The following RAP1GDS1 variants were observed in gnomAD, a reference collection of about 807,000 sequenced individuals.
RAP1GDS1 encodes the protein RAP1, GTP-GDP dissociation stimulator 1.
Under a neutral mutation model 71.1 loss-of-function variants are expected in RAP1GDS1, and 35 were observed. The observed-to-expected ratio is 0.49, with a 90% CI of 0.38 to 0.65. The LOEUF is 0.65. Ranked by LOEUF, RAP1GDS1 falls within the 30% of genes least tolerant of loss-of-function variation. RAP1GDS1 has a pLI of 0.00. For missense variants in RAP1GDS1, 663 were observed against 706.1 expected (o/e 0.94, Z 0.69); for synonymous variants, 229 against 243.1 (o/e 0.94, Z 0.54).
At chr4:98,357,719 TAGAAA>T (rs916931884) in intron 4 of RAP1GDS1, among the ~76,000 whole-genome samples, 45 of 152,006 alleles carry the variant, frequency 3.0e-4, no homozygotes, top group East Asian at 3.9e-4. Flanking sequence ...GTGCATTGCT[TAGAAA>T]AGAATTTGTT....
chr4:98,437,172 A>C lies in RAP1GDS1; in HGVS notation c.1696+104A>C, dbSNP rs1318346253. 3 of 1,226,338 alleles carry C rather than the reference A, an allele frequency of 2.4e-6. No individual in the cohort carries two copies. The Admixed American group carries it at 9.4e-5, about 38-fold the overall frequency. 76.0% of individuals were successfully genotyped at this position (1,226,338 alleles called of 1,614,324 possible). On this transcript the variant is annotated intron_variant, in intron 14 of 14. Transcript: ENST00000408927. The stretch of plus-strand genomic sequence containing the variant: ...TGGTTTTGGGTTTTAAAGCCGTTAG[A>C]AATTAGTTTATGGAGGTTATAAGAT...
chr4:98,428,734 T>C (rs1749975034), intron 12 of RAP1GDS1, among the ~76,000 whole-genome samples: 1 of 152,224 alleles, frequency 6.6e-6, no homozygotes, highest in Non-Finnish European at 1.5e-5. Flanking sequence ...ACTTCTACAC[T>C]GCTGGTGGGA....
At chr4:98,402,059 C>T (rs1466223606) in intron 6 of RAP1GDS1, among the ~76,000 whole-genome samples, 1 of 151,798 alleles carries the variant, frequency 6.6e-6, no homozygotes, top group Non-Finnish European at 1.5e-5. Flanking sequence ...TAAATCATCT[C>T]TACTTACTTT....
chr4:98,338,451 G>C (rs571822615), intron 2 of RAP1GDS1, among the ~76,000 whole-genome samples: 2 of 152,230 alleles, frequency 1.3e-5, no homozygotes, highest in East Asian at 3.9e-4. Flanking sequence ...GCAGCATAGG[G>C]CTAAGTCTCT....
intron 14 of RAP1GDS1, 145 bp from the exon 15 acceptor site, chr4:98,441,845 A>T (rs547032881): frequency 2.3e-6 from 2 of 882,674 alleles, no homozygotes; most frequent in South Asian, 2.9e-5. Flanking sequence ...TAAGAAAGAC[A>T]TTGCTAGGCT....
intron 1 of RAP1GDS1, among the ~76,000 whole-genome samples, chr4:98,268,138 T>C (rs571500719): frequency 2.0e-5 from 3 of 152,286 alleles, no homozygotes; most frequent in Admixed American, 2.0e-4. Context: ...GTGGGATTTA[T>C]CCCTGGGATG....
intron 14 of RAP1GDS1, chr4:98,441,234 G>A (rs1001291964): frequency 5.2e-5 from 33 of 633,438 alleles, no homozygotes; most frequent in Non-Finnish European, 5.7e-5. Flanking sequence ...CAGTAGTACT[G>A]ATTACATTAA....
At chr4:98,287,628 T>C (rs1477036334) in intron 1 of RAP1GDS1, among the ~76,000 whole-genome samples, 1 of 152,200 alleles carries the variant, frequency 6.6e-6, no homozygotes, top group Admixed American at 6.6e-5. Context: ...TGTGTAACAT[T>C]TATGAAATAT....
intron 6 of RAP1GDS1, 85 bp downstream of exon 6, chr4:98,392,165 A>C (rs1248337919): frequency 7.9e-7 from 1 of 1,269,846 alleles, no homozygotes; most frequent in African/African-American, 1.5e-5. Context: ...AGAAGCTAGA[A>C]ATCCATTTAG....
intron 4 of RAP1GDS1, among the ~76,000 whole-genome samples, chr4:98,372,881 G>A (rs1053680011): frequency 6.6e-6 from 1 of 152,000 alleles, no homozygotes; most frequent in African/African-American, 2.4e-5. Flanking sequence ...GTAGAGACAG[G>A]TTCTCACTGT....
At chr4:98,341,726 A>AAT (rs1553980602) in intron 2 of RAP1GDS1, among the ~76,000 whole-genome samples, 9 of 152,066 alleles carry the variant, frequency 5.9e-5, no homozygotes, top group African/African-American at 1.7e-4. Flanking sequence ...AAAAAAAAAA[A>AAT]ATCTTAGGTG....
chr4:98,372,135 T>C (rs1740475394), intron 4 of RAP1GDS1, among the ~76,000 whole-genome samples: 1 of 152,094 alleles, frequency 6.6e-6, no homozygotes, highest in African/African-American at 2.4e-5. Context: ...ATTCTTCACA[T>C]TTAGCTCCAT....
At chr4:98,324,897 C>T (rs1247737015) in intron 2 of RAP1GDS1, among the ~76,000 whole-genome samples, 1 of 152,086 alleles carries the variant, frequency 6.6e-6, no homozygotes, top group Admixed American at 6.6e-5. Context: ...AAAGCAATGG[C>T]AACAAAAGCC....
chr4:98,386,025 G>A lies in RAP1GDS1; in HGVS notation c.509-5927G>A, dbSNP rs894851846. On this transcript the variant is annotated intron_variant, in intron 5 of 14. Transcript: ENST00000408927. ...GAATTGGTTTCTCTTAATAAATGCT[G>A]CTTAAGCAACAGCTGGCAGTAGTCC... is the stretch of plus-strand genomic sequence containing the variant. Among the ~76,000 whole-genome samples, 26 of 151,334 alleles carry A rather than the reference G, an allele frequency of 1.7e-4. 1 individual carries two copies. Among genetic ancestry groups the A allele is most frequent in the Admixed American group, 4.6e-4 (7 of 15,186 alleles).
Position 98,442,655 on chromosome 4 carries a change from C to G in RAP1GDS1, c.*538C>G. On this transcript the variant is annotated 3_prime_UTR_variant, in exon 15 of 15. Coordinates refer to ENST00000408927, the MANE Select transcript of RAP1GDS1 (RefSeq NM_001100427.2). ...TAGAGTTAAATAAAATTCCAATGCTCTTACTCTTTAACTTCTGGTTTCTCC... is the reference window on the plus strand; with the variant it reads ...TAGAGTTAAATAAAATTCCAATGCTGTTACTCTTTAACTTCTGGTTTCTCC... 4.4e-6 allele frequency: 1 copy of G among 228,262 alleles called. No individual in the cohort carries two copies. Among genetic ancestry groups the G allele is most frequent in the Non-Finnish European group, 8.7e-6 (1 of 114,716 alleles). The allele number at this position is 228,262 out of a possible 1,614,324, so 14.1% of individuals were successfully genotyped here. A position where few individuals can be genotyped will look rare whatever the true frequency, so the allele number is the denominator to read the frequency against.
At chr4:98,336,078 G>C (rs1734679463) in intron 2 of RAP1GDS1, among the ~76,000 whole-genome samples, 1 of 152,022 alleles carries the variant, frequency 6.6e-6, no homozygotes, top group Non-Finnish European at 1.5e-5. Flanking sequence ...TCTGACAATA[G>C]AATGGAGATA....
At chr4:98,330,821 G>A (rs1465117575) in intron 2 of RAP1GDS1, among the ~76,000 whole-genome samples, 2 of 151,708 alleles carry the variant, frequency 1.3e-5, no homozygotes, top group Non-Finnish European at 2.9e-5. Context: ...AGACTGGGTG[G>A]CCGGGCAGAG....
At chr4:98,315,657 G>C (rs1730832105) in intron 2 of RAP1GDS1, among the ~76,000 whole-genome samples, 1 of 152,042 alleles carries the variant, frequency 6.6e-6, no homozygotes, top group South Asian at 2.1e-4. Context: ...GCAAGGAAGG[G>C]TCAAGAGGTG....
intron 2 of RAP1GDS1, among the ~76,000 whole-genome samples, chr4:98,340,459 G>A (rs1735329672): frequency 6.6e-6 from 1 of 152,092 alleles, no homozygotes; most frequent in Non-Finnish European, 1.5e-5. Context: ...GAGCTGCCAG[G>A]CATGGTGGCT....
Sources: gnomAD v4.1 joint callset for allele counts (sites outside exome capture counted in the v4.1 genomes callset) on GRCh38, gnomAD v4.1.1 for gene constraint, MANE v1.5 for transcripts, NCBI Gene and HGNC (gene_info 2026-07-23, HGNC 2026-07-21) for gene names.